Variants in DEXI observed in about 807,000 individuals in gnomAD.
The protein encoded by DEXI is Dexi homolog, also known as dexamethasone-induced protein.
DEXI carries 2 observed loss-of-function variants against 2.5 expected under a neutral mutation model. That is an observed-to-expected ratio of 0.81 (90% CI 0.33 to 2.55). The LOEUF (loss-of-function observed/expected upper bound fraction) is 2.55, where lower values mean the gene tolerates loss of function less well. Among genes scored for constraint, DEXI ranks in the 30% most tolerant of loss-of-function variants. The pLI, the probability that DEXI is intolerant of heterozygous loss-of-function variation, is 0.11. For synonymous variants in DEXI, 71 were observed against 68.7 expected (o/e 1.03, Z -0.17); for missense variants, 108 against 130.3 (o/e 0.83, Z 0.83).
In DEXI at chr16:10,941,447, G is replaced by T; in HGVS notation, c.*149+122C>A. ...TCTGGCCATTCCTGGCATCCAGTTAGACCTGGAGGAGGTGAACGGAGGAGA... is the reference window on the plus strand; with the variant it reads ...TCTGGCCATTCCTGGCATCCAGTTATACCTGGAGGAGGTGAACGGAGGAGA... On this transcript the variant is annotated intron_variant, in intron 1 of 1. Coordinates refer to ENST00000331808, the MANE Select transcript of DEXI (RefSeq NM_014015.4). This position sits in a 1 kb window ranked among gnomAD's most constrained non-coding sequence, Gnocchi z 6.4. 9.9e-7 allele frequency: 1 copy of T among 1,005,792 alleles called. No individual in the cohort carries two copies. Among genetic ancestry groups the T allele is most frequent in the Non-Finnish European group, 1.3e-6 (1 of 762,986 alleles). The allele number at this position is 1,005,792 out of a possible 1,614,324, so 62.3% of individuals were successfully genotyped here.
At position 10,941,814 on chromosome 16, in the gene DEXI, G is replaced by A. The variant is rs1228411519; in HGVS notation, c.192C>T (p.Asp64=). 6.2e-7 allele frequency: 1 copy of A among 1,613,616 alleles called. No homozygotes were observed. The highest frequency in any genetic ancestry group is 1.1e-5 in the South Asian group (1 of 91,066). The change falls in exon 1 of 2, where the codon GAC becomes GAT. Residue 64 remains aspartate (D), a synonymous_variant. Coordinates refer to ENST00000331808, the MANE Select transcript of DEXI (RefSeq NM_014015.4). The surrounding 1 kb of genome is among the most constrained non-coding windows in gnomAD (Gnocchi z 6.4). ...GCACGCCGAGGTCCACGAGCGCCTG[G>A]TCCATGTCCTCGGGCAGGAAGACGA... ...VGLVFLPEDM[D]QALVDLGVLS... is the part of the protein sequence containing the mutation.
chr16:10,938,288 ACCAT>A lies in DEXI; in HGVS notation c.*149+3277_*149+3280del, dbSNP rs2145430915. On this transcript the variant is annotated intron_variant, in intron 1 of 1. Coordinates refer to ENST00000331808, the MANE Select transcript of DEXI (RefSeq NM_014015.4). This position sits in a 1 kb window ranked among gnomAD's most constrained non-coding sequence, Gnocchi z 4.9. ...TGTGAACCCAGGGCCCTGGCTCTTA[ACCAT>A]GACCCTAATACTGCCTCCTCAAGTA... 1 of 152,094 alleles carries A rather than the reference ACCAT, an allele frequency of 6.6e-6. No homozygotes were observed. The highest frequency in any genetic ancestry group is 1.9e-4 in the East Asian group (1 of 5,156). 9.4% of individuals were successfully genotyped at this position (152,094 alleles called of 1,614,324 possible). A position where few individuals can be genotyped will look rare whatever the true frequency, so the allele number is the denominator to read the frequency against.
intron 1 of DEXI, chr16:10,935,810 A>G (rs960222755): frequency 3.3e-5 from 5 of 152,240 alleles, no homozygotes; most frequent in African/African-American, 9.6e-5. Flanking sequence ...ATTGAGAGAC[A>G]GTTTACAAAA....
rs1393325463 is a variant in DEXI, at chr16:10,940,301, CT to C, written c.*149+1267del. On this transcript the variant is annotated intron_variant, in intron 1 of 1. Transcript: ENST00000331808. This position sits in a 1 kb window ranked among gnomAD's most constrained non-coding sequence, Gnocchi z 4.2. ...AGCCTTCATGGGTGGGATTAATGCC[CT>C]TATAAGAACAGTAAGAGATAAATGT... The C allele has an allele frequency of 1.3e-5, 2 of 152,210 alleles. No homozygotes were observed. Among genetic ancestry groups the C allele is most frequent in the Admixed American group, 6.5e-5 (1 of 15,284 alleles). The allele number at this position is 152,210 out of a possible 1,614,324, so 9.4% of individuals were successfully genotyped here.
At position 10,929,572 on chromosome 16, in the gene DEXI, A is replaced by G. The variant is rs1326363939; in HGVS notation, c.*150-13T>C. 2 of 985,152 alleles carry G rather than the reference A, an allele frequency of 2.0e-6. No homozygotes were observed. The highest frequency in any genetic ancestry group is 6.2e-5 in the Admixed American group (1 of 16,228). The allele number at this position is 985,152 out of a possible 1,614,324, so 61.0% of individuals were successfully genotyped here. A position where few individuals can be genotyped will look rare whatever the true frequency, so the allele number is the denominator to read the frequency against. On this transcript the variant is annotated splice_polypyrimidine_tract_variant and intron_variant, in intron 1 of 1. Transcript: ENST00000331808. This position sits in a 1 kb window ranked among gnomAD's most constrained non-coding sequence, Gnocchi z 4.3. Reference sequence around the variant, plus strand: ...GAGGGGAGCAGGTCTAACAAGAAGGAAAAAGGGGGGTTATTAGCACGGAAG... The same window carrying G: ...GAGGGGAGCAGGTCTAACAAGAAGGGAAAAGGGGGGTTATTAGCACGGAAG...
In DEXI at chr16:10,929,089, C is replaced by T. The variant is rs1040788082; in HGVS notation, c.*620G>A. 2.0e-5 allele frequency: 10 copies of T among 499,764 alleles called. No individual in the cohort carries two copies. The highest frequency in any genetic ancestry group is 1.5e-4 in the East Asian group (1 of 6,636). 31.0% of individuals were successfully genotyped at this position (499,764 alleles called of 1,614,324 possible). A position where few individuals can be genotyped will look rare whatever the true frequency, so the allele number is the denominator to read the frequency against. Reference sequence around the variant, plus strand: ...GAACGAGTAACCTGAAATGAAGGAGCGAGAATCCCACCCTCAGCCCCCCAA... The same window carrying T: ...GAACGAGTAACCTGAAATGAAGGAGTGAGAATCCCACCCTCAGCCCCCCAA... On this transcript the variant is annotated 3_prime_UTR_variant, in exon 2 of 2. Coordinates refer to ENST00000331808, the MANE Select transcript of DEXI (RefSeq NM_014015.4). This position sits in a 1 kb window ranked among gnomAD's most constrained non-coding sequence, Gnocchi z 4.3.
In DEXI at chr16:10,940,066, G is replaced by C. The variant is rs1203010740; in HGVS notation, c.*149+1503C>G. ...TAAGATGTTACTGAGCTCAACTGAA[G>C]CTTTTTCTTCAAAGAAATCTCACTG... On this transcript the variant is annotated intron_variant, in intron 1 of 1. Transcript: ENST00000331808. The surrounding 1 kb of genome is among the most constrained non-coding windows in gnomAD (Gnocchi z 4.2). The C allele has an allele frequency of 1.3e-5, 2 of 152,240 alleles. No individual in the cohort carries two copies. The highest frequency in any genetic ancestry group is 4.8e-5 in the African/African-American group (2 of 41,452). The allele number at this position is 152,240 out of a possible 1,614,324, so 9.4% of individuals were successfully genotyped here.
chr16:10,938,041 G>A lies in DEXI; in HGVS notation c.*149+3528C>T, dbSNP rs2041053299. 1 of 152,232 alleles carries A rather than the reference G, an allele frequency of 6.6e-6. No individual in the cohort carries two copies. The highest frequency in any genetic ancestry group is 6.5e-5 in the Admixed American group (1 of 15,290). 9.4% of individuals were successfully genotyped at this position (152,232 alleles called of 1,614,324 possible). A position where few individuals can be genotyped will look rare whatever the true frequency, so the allele number is the denominator to read the frequency against. On this transcript the variant is annotated intron_variant, in intron 1 of 1. Transcript: ENST00000331808. This position sits in a 1 kb window ranked among gnomAD's most constrained non-coding sequence, Gnocchi z 4.9. ...AGTATAGGTGCAGGTTTGTACATTTGCAAGGGCATGGGTATAACACGCTTT... is the reference window on the plus strand; with the variant it reads ...AGTATAGGTGCAGGTTTGTACATTTACAAGGGCATGGGTATAACACGCTTT...
chr16:10,933,576 C>T (rs2040890483), intron 1 of DEXI: 1 of 152,258 alleles, frequency 6.6e-6, no homozygotes, highest in African/African-American at 2.4e-5. Context: ...CCACATTGGG[C>T]TGTTTGTGTC....
At position 10,939,399 on chromosome 16, in the gene DEXI, C is replaced by G. The variant is rs549842380; in HGVS notation, c.*149+2170G>C. The G allele has an allele frequency of 6.6e-6, 1 of 152,288 alleles. No homozygotes were observed. 9.4% of individuals were successfully genotyped at this position (152,288 alleles called of 1,614,324 possible). A position where few individuals can be genotyped will look rare whatever the true frequency, so the allele number is the denominator to read the frequency against. On this transcript the variant is annotated intron_variant, in intron 1 of 1. Coordinates refer to ENST00000331808, the MANE Select transcript of DEXI (RefSeq NM_014015.4). This position sits in a 1 kb window ranked among gnomAD's most constrained non-coding sequence, Gnocchi z 4.9. ...CCTAGAACCTTCCAATGGCTTTCCA[C>G]TGCTCTTGGCTATGGCCTTCCAGGT... is the stretch of plus-strand genomic sequence containing the variant.
At position 10,929,197 on chromosome 16, in the gene DEXI, G is replaced by A. The variant is rs1567459143; in HGVS notation, c.*512C>T. 1 of 985,438 alleles carries A rather than the reference G, an allele frequency of 1.0e-6. No homozygotes were observed. Among genetic ancestry groups the A allele is most frequent in the Non-Finnish European group, 1.2e-6 (1 of 829,616 alleles). 61.0% of individuals were successfully genotyped at this position (985,438 alleles called of 1,614,324 possible). A position where few individuals can be genotyped will look rare whatever the true frequency, so the allele number is the denominator to read the frequency against. ...GACCAGCCTCGGGCTAAACCCAGCT[G>A]GCCTGAAGGCTCAACTCACATCAAA... On this transcript the variant is annotated 3_prime_UTR_variant, in exon 2 of 2. Transcript: ENST00000331808. This position sits in a 1 kb window ranked among gnomAD's most constrained non-coding sequence, Gnocchi z 4.3.
chr16:10,929,523 C>A lies in DEXI; in HGVS notation c.*186G>T. On this transcript the variant is annotated 3_prime_UTR_variant, in exon 2 of 2. Coordinates refer to ENST00000331808, the MANE Select transcript of DEXI (RefSeq NM_014015.4). This position sits in a 1 kb window ranked among gnomAD's most constrained non-coding sequence, Gnocchi z 4.3. ...CCACTCTCCTGGGTTCAAACAGGAA[C>A]CTCTCTGTTGGCACGAAGCTTTTGA... 6.1e-6 allele frequency: 6 copies of A among 985,578 alleles called. No individual in the cohort carries two copies. The highest frequency in any genetic ancestry group is 7.2e-6 in the Non-Finnish European group (6 of 829,968). The allele number at this position is 985,578 out of a possible 1,614,324, so 61.1% of individuals were successfully genotyped here.
rs2041065951 is a variant in DEXI, at chr16:10,939,002, T to A, written c.*149+2567A>T. ...CTGCTTCAAAGTCAAATGCTTGGCT[T>A]GGAGACAGGGATTTATCTTGGGATC... On this transcript the variant is annotated intron_variant, in intron 1 of 1. Transcript: ENST00000331808. The surrounding 1 kb of genome is among the most constrained non-coding windows in gnomAD (Gnocchi z 4.9). The A allele has an allele frequency of 6.6e-6, 1 of 152,232 alleles. No homozygotes were observed. The highest frequency in any genetic ancestry group is 6.5e-5 in the Admixed American group (1 of 15,288). 9.4% of individuals were successfully genotyped at this position (152,232 alleles called of 1,614,324 possible).
In DEXI at chr16:10,941,761, T is replaced by A; in HGVS notation, c.245A>T (p.Asp82Val). 6.2e-7 allele frequency: 1 copy of A among 1,612,758 alleles called. No individual in the cohort carries two copies. Among genetic ancestry groups the A allele is most frequent in the Non-Finnish European group, 8.5e-7 (1 of 1,179,412 alleles). The change falls in exon 1 of 2, where the codon GAT (aspartate) becomes GTT (valine). Residue 82 changes from aspartate (D) to valine (V), a missense_variant. Physicochemically the swap from Asp to Val is radical, Grantham distance 152 (BLOSUM62 -3). Coordinates refer to ENST00000331808, the MANE Select transcript of DEXI (RefSeq NM_014015.4). The surrounding 1 kb of genome is among the most constrained non-coding windows in gnomAD (Gnocchi z 6.4). ...AAAGACGTCGAGCTCCGAGTCAGCA[T>A]CGTAAAGGCCCGAGCCGGGGTCGGA... The part of the protein sequence containing the change: ...VLSDPGSGLY[D>V]ADSELDVFDA...
chr16:10,932,027 G>T (rs77748927), intron 1 of DEXI: 9,221 of 152,346 alleles, frequency 0.061, 282 homozygotes, highest in East Asian at 0.11. Context: ...TGAGGATTTT[G>T]ATCCAAGCTG....
rs1401466833 is a variant in DEXI, at chr16:10,939,182, G to C, written c.*149+2387C>G. On this transcript the variant is annotated intron_variant, in intron 1 of 1. Coordinates refer to ENST00000331808, the MANE Select transcript of DEXI (RefSeq NM_014015.4). The surrounding 1 kb of genome is among the most constrained non-coding windows in gnomAD (Gnocchi z 4.9). ...GATTCCATAGGTTCTACTTTTGAGA[G>C]TTGTTCTCAGTCTGTTCATGTTTCT... 6.6e-6 allele frequency: 1 copy of C among 152,248 alleles called. No homozygotes were observed. Among genetic ancestry groups the C allele is most frequent in the Non-Finnish European group, 1.5e-5 (1 of 68,086 alleles). The allele number at this position is 152,248 out of a possible 1,614,324, so 9.4% of individuals were successfully genotyped here.
Position 10,942,238 on chromosome 16 carries a change from G to A in DEXI, c.-233C>T. 1 of 374,328 alleles carries A rather than the reference G, an allele frequency of 2.7e-6. No individual in the cohort carries two copies. The highest frequency in any genetic ancestry group is 4.8e-6 in the Non-Finnish European group (1 of 209,692). The allele number at this position is 374,328 out of a possible 1,614,324, so 23.2% of individuals were successfully genotyped here. ...AGGATCTCTCGACCGCCCGGGCGGCGAGGCGGGCCCCCCTGAAGTGGCCCG... is the reference window on the plus strand; with the variant it reads ...AGGATCTCTCGACCGCCCGGGCGGCAAGGCGGGCCCCCCTGAAGTGGCCCG... On this transcript the variant is annotated 5_prime_UTR_variant, in exon 1 of 2. Transcript: ENST00000331808. This position sits in a 1 kb window ranked among gnomAD's most constrained non-coding sequence, Gnocchi z 5.0.
rs1316244575 is a variant in DEXI at position 10,941,958 on chromosome 16, C to T, written c.48G>A (p.Leu16=). Residue 16 remains leucine, a synonymous_variant, in exon 1 of 2, where the codon CTG becomes CTA. Coordinates refer to ENST00000331808, the MANE Select transcript of DEXI (RefSeq NM_014015.4). This position sits in a 1 kb window ranked among gnomAD's most constrained non-coding sequence, Gnocchi z 6.4. ...VAAHLDALGP[L]VPYVPPPLLP... ...GCAGCGGCGGCGGCACGTAGGGGACCAGGGGGCCCAGTGCGTCCAGGTGGG... is the reference window on the plus strand; with the variant it reads ...GCAGCGGCGGCGGCACGTAGGGGACTAGGGGGCCCAGTGCGTCCAGGTGGG... 43 of 1,566,322 alleles carry T rather than the reference C, an allele frequency of 2.7e-5. No homozygotes were observed. Among genetic ancestry groups the T allele is most frequent in the East Asian group, 7.1e-5 (3 of 42,310 alleles).
At chr16:10,936,331 T>A (rs770814565) in intron 1 of DEXI, 5 of 152,208 alleles carry the variant, frequency 3.3e-5, no homozygotes, top group African/African-American at 7.2e-5. Flanking sequence ...TTGACAACCC[T>A]ACTGTGGTTA....
Sources: gnomAD v4.1 joint callset for allele counts on GRCh38, gnomAD v4.1.1 for gene constraint, Gnocchi (gnomAD v3.1) non-coding constraint, MANE v1.5 for transcripts, NCBI Gene and HGNC (gene_info 2026-07-23, HGNC 2026-07-21) for gene names.